The following FKBP10 variants were observed in gnomAD, a reference collection of about 807,000 sequenced individuals.
The protein encoded by FKBP10 is peptidyl-prolyl cis-trans isomerase FKBP10.
Under a neutral mutation model 53.7 loss-of-function variants are expected in FKBP10, and 34 were observed. That is an observed-to-expected ratio of 0.63 (90% CI 0.48 to 0.84). The LOEUF (loss-of-function observed/expected upper bound fraction) is 0.84. Among genes scored for constraint, FKBP10 ranks in the 40% least tolerant of loss-of-function variants. The pLI is 0.00. For synonymous variants in FKBP10, 324 were observed against 335.7 expected, an observed-to-expected ratio of 0.97 and a Z score of 0.38; for missense variants, 748 against 797.8, an observed-to-expected ratio of 0.94 and a Z score of 0.75.
rs953322455 is a variant in FKBP10, at chr17:41,821,901, G to A, written c.1563+84G>A. 30 of 1,558,872 alleles carry A rather than the reference G, an allele frequency of 1.9e-5. No individual in the cohort carries two copies. The African/African-American group carries it at 2.6e-4, about 13-fold the overall frequency. ...TCGAGGAAGAAGACGTCCCCCGTCC[G>A]GACTGCCCACCCGCCCTGGTGCTCC... On this transcript the variant is annotated intron_variant, in intron 9 of 9. Coordinates refer to ENST00000321562, the MANE Select transcript of FKBP10 (RefSeq NM_021939.4).
At chr17:41,815,370 G>C (rs1354822876) in intron 1 of FKBP10, among the ~76,000 whole-genome samples, 2 of 151,940 alleles carry the variant, frequency 1.3e-5, no homozygotes, top group African/African-American at 4.8e-5. Flanking sequence ...TGTTGCTCAG[G>C]CTGGTCACAA....
At chr17:41,816,356 G>A (rs1555616092) in intron 1 of FKBP10, among the ~76,000 whole-genome samples, 2 of 144,488 alleles carry the variant, frequency 1.4e-5, no homozygotes, top group African/African-American at 5.1e-5. Flanking sequence ...TCAGCCTCCT[G>A]AGTAACTGGG....
At chr17:41,822,053 C>G (rs1352991992) in intron 9 of FKBP10, among the ~76,000 whole-genome samples, 170 bp from the exon 10 acceptor site, 2 of 152,108 alleles carry the variant, frequency 1.3e-5, no homozygotes, top group Admixed American at 6.5e-5. Context: ...CCAGCCCCCA[C>G]CAGGACCCCA....
At chr17:41,817,482 T>G (rs2047831223) in intron 2 of FKBP10, among the ~76,000 whole-genome samples, 1 of 151,838 alleles carries the variant, frequency 6.6e-6, no homozygotes, top group Admixed American at 6.6e-5. Flanking sequence ...ATAAAATAAA[T>G]TATCCAGGTG....
chr17:41,820,786 C>T (rs2047880762), intron 7 of FKBP10, 161 bp from the exon 8 acceptor site: 7 of 1,015,368 alleles, frequency 6.9e-6, no homozygotes, highest in South Asian at 3.4e-5. Context: ...GGGAACCCCA[C>T]GTCTGCACAG....
At chr17:41,813,413 C>A in intron 1 of FKBP10, 134 bp downstream of exon 1, 1 of 1,140,774 alleles carries the variant, frequency 8.8e-7, no homozygotes, top group Non-Finnish European at 1.3e-6. Flanking sequence ...CTCCCAGACA[C>A]CCATCTCCCC....
intron 1 of FKBP10, among the ~76,000 whole-genome samples, chr17:41,815,732 G>A (rs935109384): frequency 2.6e-5 from 4 of 151,456 alleles, no homozygotes; most frequent in African/African-American, 9.7e-5. Flanking sequence ...TGGGATTACA[G>A]GCGTGAGCCA....
Position 41,818,124 on chromosome 17 carries a change from G to A in FKBP10, c.427G>A (p.Asp143Asn), listed in dbSNP as rs112131529. The change falls in exon 3 of 10, where the codon GAT becomes AAT. Residue 143 changes from aspartate to asparagine, a missense_variant. By Grantham distance (23) the Asp-to-Asn change is conservative. Transcript: ENST00000321562. ...TCCACCGGATGCCACCCTCTACTTC[G>A]ATGTGGTTCTGCTGGATGTGTGGAA... is the stretch of plus-strand genomic sequence containing the variant. ...LIPPDATLYF[D>N]VVLLDVWNKE... The A allele has an allele frequency of 1.7e-5, 28 of 1,613,586 alleles. No homozygotes were observed. The highest frequency in any genetic ancestry group is 1.5e-4 in the African/African-American group (11 of 75,042).
intron 2 of FKBP10, 148 bp downstream of exon 2, chr17:41,817,351 C>T: frequency 8.9e-7 from 1 of 1,126,292 alleles, no homozygotes. Context: ...GCAGCTCTGG[C>T]TGGGGCAGTA....
chr17:41,819,706 T>A (rs1555616703), intron 6 of FKBP10, 31 bp downstream of exon 6: 1 of 1,581,212 alleles, frequency 6.3e-7, no homozygotes, highest in Non-Finnish European at 8.6e-7. Flanking sequence ...CCACCTCAGC[T>A]CCTCCTCCGA....
At chr17:41,816,802 G>A (rs904704896) in intron 1 of FKBP10, among the ~76,000 whole-genome samples, 4 of 152,124 alleles carry the variant, frequency 2.6e-5, no homozygotes, top group African/African-American at 9.7e-5. Context: ...ACCCAACCCC[G>A]TCCCAGGGCA....
In FKBP10 at chr17:41,818,203, G is replaced by C. The variant is rs782237729; in HGVS notation, c.506G>C (p.Arg169Pro). Reference sequence around the variant, plus strand: ...TTGCTGCGCCCGCCCCACTGCCCCCGCATGGTCCAGGACGGCGACTTTGTC... The same window carrying C: ...TTGCTGCGCCCGCCCCACTGCCCCCCCATGGTCCAGGACGGCGACTTTGTC... ...STLLRPPHCP[R>P]MVQDGDFVRY... Residue 169 changes from arginine to proline, a missense_variant, in exon 3 of 10, where the codon CGC becomes CCC. Coordinates refer to ENST00000321562, the MANE Select transcript of FKBP10 (RefSeq NM_021939.4). The C allele has an allele frequency of 2.5e-6, 4 of 1,613,434 alleles. No individual in the cohort carries two copies. Among genetic ancestry groups the C allele is most frequent in the East Asian group, 4.5e-5 (2 of 44,888 alleles).
chr17:41,818,252 G>A lies in FKBP10; in HGVS notation c.555G>A (p.Leu185=). The A allele has an allele frequency of 1.2e-6, 2 of 1,613,638 alleles. No homozygotes were observed. The highest frequency in any genetic ancestry group is 1.7e-6 in the Non-Finnish European group (2 of 1,180,022). ...TCCGCTACCACTACAATGGCACCCT[G>A]CTGGACGGCACCTCCTTCGACACCA... ...DFVRYHYNGT[L]LDGTSFDTSY... is the part of the protein sequence containing the mutation. Residue 185 remains leucine, a synonymous_variant, in exon 3 of 10, where the codon CTG becomes CTA. Coordinates refer to ENST00000321562, the MANE Select transcript of FKBP10 (RefSeq NM_021939.4).
chr17:41,815,065 A>C (rs1555615928), intron 1 of FKBP10, among the ~76,000 whole-genome samples: 5 of 151,542 alleles, frequency 3.3e-5, no homozygotes, highest in Non-Finnish European at 7.4e-5. Flanking sequence ...TTACAGGTGC[A>C]CACCACCACA....
In FKBP10 at chr17:41,817,179, C is replaced by T; in HGVS notation, c.367C>T (p.Leu123=). Residue 123 remains leucine, a synonymous_variant, in exon 2 of 10, where the codon CTG becomes TTG. Transcript: ENST00000321562. The stretch of plus-strand genomic sequence containing the variant: ...GCGACGCCTCATTGTGCCTCCCCAC[C>T]TGGGCTATGGGAGCATCGGCCTGGG... The part of the protein sequence containing the change: ...ERRRLIVPPH[L]GYGSIGLAGL... The T allele has an allele frequency of 6.2e-7, 1 of 1,613,814 alleles. No homozygotes were observed. The highest frequency in any genetic ancestry group is 8.5e-7 in the Non-Finnish European group (1 of 1,180,040).
rs1212445487 is a variant in FKBP10 at position 41,813,007 on chromosome 17, A to G, written c.-28A>G. The G allele has an allele frequency of 1.9e-6, 3 of 1,608,604 alleles. No homozygotes were observed. Among genetic ancestry groups the G allele is most frequent in the Non-Finnish European group, 8.5e-7 (1 of 1,179,328 alleles). On this transcript the variant is annotated 5_prime_UTR_variant, in exon 1 of 10. Transcript: ENST00000321562. ...GGTGGCGACTCCCTCGCTCGCCCTC[A>G]CTGCCGGCGGTCCCAACTCCAGGCA...
chr17:41,816,577 T>TG (rs1296070589), intron 1 of FKBP10, among the ~76,000 whole-genome samples: 1 of 152,170 alleles, frequency 6.6e-6, no homozygotes, highest in African/African-American at 2.4e-5. Context: ...TGTGTGACCT[T>TG]GGGCAAGGCA....
rs782492478 is a variant in FKBP10 at position 41,822,378 on chromosome 17, G to A, written c.1719G>A (p.Glu573=). 1.2e-6 allele frequency: 2 copies of A among 1,611,556 alleles called. No homozygotes were observed. The highest frequency in any genetic ancestry group is 2.2e-5 in the East Asian group (1 of 44,796). ...TVDELKLKSD[E]DEERVHEEL The stretch of plus-strand genomic sequence containing the variant: ...ACGAGCTCAAGCTGAAGTCAGATGA[G>A]GACGAGGAGCGGGTCCACGAGGAGC... The change falls in exon 10 of 10, where the codon GAG becomes GAA. Residue 573 remains glutamate (E), a synonymous_variant. Transcript: ENST00000321562.
At chr17:41,818,901 A>G (rs2047851183) in intron 4 of FKBP10, 1 of 402,540 alleles carries the variant, frequency 2.5e-6, no homozygotes, top group East Asian at 5.5e-5. Flanking sequence ...GCTTGCAGTG[A>G]GCCGAGATCG....
Sources: allele counts gnomAD v4.1 joint callset (sites outside exome capture counted in the v4.1 genomes callset), GRCh38; gene constraint gnomAD v4.1.1; transcripts MANE v1.5; gene names NCBI Gene and HGNC (gene_info 2026-07-23, HGNC 2026-07-21).